UCK2: variants seen among roughly 807,000 people sequenced by gnomAD.
UCK2 encodes cytidine monophosphokinase 2.
Under a neutral mutation model 30.8 loss-of-function variants are expected in UCK2, and 6 were observed. That is an observed-to-expected ratio of 0.19 (90% CI 0.11 to 0.38). UCK2 has a LOEUF of 0.38. Ranked by LOEUF, UCK2 falls within the 10% of genes least tolerant of loss-of-function variation. The probability of loss-of-function intolerance (pLI) is 1.00; values close to 1 mark genes in which losing one functional copy is unlikely to be tolerated. For synonymous variants in UCK2, 125 were observed against 133.6 expected, an observed-to-expected ratio of 0.94 and a Z score of 0.45; for missense variants, 210 against 339.8, an observed-to-expected ratio of 0.62 and a Z score of 3.00.
chr1:165,857,735 G>A (rs1437543049), intron 1 of UCK2, among the ~76,000 whole-genome samples: 5 of 152,296 alleles, frequency 3.3e-5, no homozygotes, highest in Middle Eastern at 3.4e-3. Context: ...GCATTTGAAT[G>A]ATGTCTCATT....
intron 1 of UCK2, among the ~76,000 whole-genome samples, chr1:165,875,805 C>T (rs12080800): frequency 0.38 from 58,087 of 151,924 alleles, 11,327 homozygotes; most frequent in Non-Finnish European, 0.45. Flanking sequence ...CCTTGTGTGC[C>T]ACCCTCCAGG....
intron 1 of UCK2, among the ~76,000 whole-genome samples, chr1:165,848,846 C>T (rs1039525648): frequency 1.5e-4 from 23 of 152,268 alleles, no homozygotes; most frequent in African/African-American, 5.5e-4. Context: ...AATAAGCCCA[C>T]CATATTTCAG....
intron 1 of UCK2, among the ~76,000 whole-genome samples, chr1:165,871,123 G>A (rs987147394): frequency 6.6e-6 from 1 of 152,054 alleles, no homozygotes; most frequent in Non-Finnish European, 1.5e-5. Flanking sequence ...GCCCCTGTTA[G>A]TGTTTAGTAT....
At chr1:165,904,606 T>C (rs2101889117) in intron 5 of UCK2, among the ~76,000 whole-genome samples, 1 of 152,394 alleles carries the variant, frequency 6.6e-6, no homozygotes, top group South Asian at 2.1e-4. Context: ...GGGTTATTTC[T>C]GCTTGCTTCC....
chr1:165,903,288 T>A lies in UCK2; in HGVS notation c.597+9T>A. On this transcript the variant is annotated intron_variant, in intron 5 of 6. Transcript: ENST00000367879. ...AGGAATTCTGCTTGCCAGTGAGTTG[T>A]GTTCTTGGTTTGTTTTTGTTGAATG... 1 of 1,610,790 alleles carries A rather than the reference T, an allele frequency of 6.2e-7. No individual in the cohort carries two copies. The highest frequency in any genetic ancestry group is 8.5e-7 in the Non-Finnish European group (1 of 1,178,350).
At chr1:165,850,019 A>G (rs1265107418) in intron 1 of UCK2, among the ~76,000 whole-genome samples, 2 of 152,198 alleles carry the variant, frequency 1.3e-5, no homozygotes, top group East Asian at 3.8e-4. Context: ...AATGGTATGA[A>G]ATAGTGAGAA....
At position 165,909,204 on chromosome 1, in the gene UCK2, A is replaced by G. The variant is rs1414597836; in HGVS notation, c.*1381A>G. 2 of 151,994 alleles carry G rather than the reference A, an allele frequency of 1.3e-5. No homozygotes were observed. The highest frequency in any genetic ancestry group is 2.9e-5 in the Non-Finnish European group (2 of 67,998). 9.4% of individuals were successfully genotyped at this position (151,994 alleles called of 1,614,324 possible). ...TTTTCTCTGGAAGTACAGATTCCTG[A>G]CATTCTGGGTGGAGGGGAGCCCAAG... is the stretch of plus-strand genomic sequence containing the variant. On this transcript the variant is annotated 3_prime_UTR_variant, in exon 7 of 7. Coordinates refer to ENST00000367879, the MANE Select transcript of UCK2 (RefSeq NM_012474.5).
intron 1 of UCK2, among the ~76,000 whole-genome samples, chr1:165,846,323 AATTT>A (rs1264764228): frequency 1.3e-5 from 2 of 152,110 alleles, no homozygotes; most frequent in African/African-American, 2.4e-5. Context: ...AACATTTTAA[AATTT>A]ATTTAATGTC....
rs1557838185 is a variant in UCK2, at chr1:165,860,514, T to C, written c.100-29690T>C. Among the ~76,000 whole-genome samples, 7 of 152,162 alleles carry C rather than the reference T, an allele frequency of 4.6e-5. No individual in the cohort carries two copies. The South Asian group carries it at 6.2e-4, about 14-fold the overall frequency. On this transcript the variant is annotated intron_variant, in intron 1 of 6. Transcript: ENST00000367879. ...CCCAGGCGGGAGTGCAGTGGTGCAA[T>C]TGCAGCTCACTGCAGCTTCGACCTC...
At chr1:165,850,038 G>A (rs1654548751) in intron 1 of UCK2, among the ~76,000 whole-genome samples, 4 of 152,218 alleles carry the variant, frequency 2.6e-5, no homozygotes. Flanking sequence ...AAGAACTTGA[G>A]ATCGCTACGT....
chr1:165,877,506 A>G (rs974885659), intron 1 of UCK2, among the ~76,000 whole-genome samples: 50 of 152,198 alleles, frequency 3.3e-4, no homozygotes, highest in Non-Finnish European at 1.2e-4. Context: ...TTTTATACAA[A>G]TATAACCATA....
chr1:165,846,095 C>T (rs1405646014), intron 1 of UCK2, among the ~76,000 whole-genome samples: 2 of 151,978 alleles, frequency 1.3e-5, no homozygotes, highest in African/African-American at 2.4e-5. Flanking sequence ...AGTTCCAGAC[C>T]AGCCTGAGCA....
rs146560615 is a variant in UCK2 at position 165,872,025 on chromosome 1, C to CTT, written c.100-18168_100-18167dup. On this transcript the variant is annotated intron_variant, in intron 1 of 6. Transcript: ENST00000367879. ...GAAGCCTTTTAGGCATATACATAGT[C>CTT]TTTTTTTTTTTTCTCTTTTTGCCGG... Among the ~76,000 whole-genome samples, 170 of 147,388 alleles carry CTT rather than the reference C, an allele frequency of 1.2e-3. 1 individual carries two copies. The highest frequency in any genetic ancestry group is 2.8e-3 in the African/African-American group (114 of 40,324).
intron 1 of UCK2, among the ~76,000 whole-genome samples, chr1:165,850,971 C>T (rs113511601): frequency 2.3e-5 from 3 of 130,302 alleles, no homozygotes; most frequent in African/African-American, 5.8e-5. Flanking sequence ...GAATGGGTCT[C>T]GCTATGTTGC....
At chr1:165,858,055 T>A (rs1410621218) in intron 1 of UCK2, among the ~76,000 whole-genome samples, 3 of 152,200 alleles carry the variant, frequency 2.0e-5, no homozygotes, top group African/African-American at 7.2e-5. Context: ...AAAAGGTTTT[T>A]TTCCTTTCAG....
intron 1 of UCK2, among the ~76,000 whole-genome samples, chr1:165,878,234 ATACAT>A (rs1333723595): frequency 6.6e-6 from 1 of 152,086 alleles, no homozygotes; most frequent in African/African-American, 2.4e-5. Context: ...AGTTGAAATC[ATACAT>A]TATGTGACCT....
chr1:165,843,994 G>A (rs753791876), intron 1 of UCK2, among the ~76,000 whole-genome samples: 8 of 152,106 alleles, frequency 5.3e-5, no homozygotes, highest in Non-Finnish European at 7.3e-5. Context: ...TATATACTGA[G>A]TGCTATTCTA....
chr1:165,905,817 C>T, intron 5 of UCK2, 104 bp from the exon 6 acceptor site: 1 of 1,008,892 alleles, frequency 9.9e-7, no homozygotes, highest in Non-Finnish European at 1.5e-6. Context: ...CTCTTCTGGG[C>T]TCGCTAGTAT....
At chr1:165,902,128 C>T (rs183932272) in intron 4 of UCK2, among the ~76,000 whole-genome samples, 30 of 151,874 alleles carry the variant, frequency 2.0e-4, no homozygotes, top group African/African-American at 6.8e-4. Context: ...CTCAGCTACT[C>T]GGGAGGCTGA....
Sources: allele counts gnomAD v4.1 joint callset (sites outside exome capture counted in the v4.1 genomes callset), GRCh38; gene constraint gnomAD v4.1.1; transcripts MANE v1.5; gene names NCBI Gene and HGNC (gene_info 2026-07-23, HGNC 2026-07-21).